The following TCERG1L variants were observed in gnomAD, a reference collection of about 807,000 sequenced individuals.
The protein encoded by TCERG1L is transcription elongation regulator 1 like, also known as transcription elongation regulator 1-like protein.
A neutral mutation model predicts 56.3 loss-of-function variants in TCERG1L; 37 were observed. The observed-to-expected ratio is 0.66, with a 90% CI of 0.51 to 0.87. The LOEUF (loss-of-function observed/expected upper bound fraction) is 0.87, where lower values mean the gene tolerates loss of function less well. Ranked by LOEUF, TCERG1L falls within the 40% of genes least tolerant of loss-of-function variation. The pLI is 0.00. For missense variants in TCERG1L, 799 were observed against 774.2 expected (o/e 1.03, Z -0.38); for synonymous variants, 324 against 326.3 (o/e 0.99, Z 0.08).
intron 3 of TCERG1L, among the ~76,000 whole-genome samples, chr10:131,302,758 C>T (rs1846778710): frequency 6.6e-6 from 1 of 151,832 alleles, no homozygotes; most frequent in South Asian, 2.1e-4. Context: ...GGCATTTCTC[C>T]TAATGCTATC....
intron 6 of TCERG1L, chr10:131,162,120 G>C (rs1237552438): frequency 1.3e-5 from 2 of 152,268 alleles, no homozygotes; most frequent in Non-Finnish European, 2.9e-5. Context: ...CAGAGGGACT[G>C]ACCCCAGCCT....
chr10:131,106,826 T>C (rs750354994), intron 9 of TCERG1L, among the ~76,000 whole-genome samples: 2 of 152,210 alleles, frequency 1.3e-5, no homozygotes, highest in Admixed American at 6.5e-5. Context: ...TTTATTTGTA[T>C]ATTATAAGAG....
rs977376399 is a variant in TCERG1L, at chr10:131,258,037, T to C, written c.856+2222A>G. Among the ~76,000 whole-genome samples, 3 of 152,254 alleles carry C rather than the reference T, an allele frequency of 2.0e-5. No homozygotes were observed. In the East Asian group the frequency reaches 5.8e-4, roughly 29 times the overall value. ...TTCTTCTGAGTCCATCAGCACCTGC[T>C]TTGCATTGATGTCCTTCTATTTCCT... On this transcript the variant is annotated intron_variant, in intron 4 of 11. Transcript: ENST00000368642.
chr10:131,292,511 T>G (rs904508350), intron 3 of TCERG1L, among the ~76,000 whole-genome samples: 1 of 152,248 alleles, frequency 6.6e-6, no homozygotes, highest in Non-Finnish European at 1.5e-5. Flanking sequence ...AATTTTAGTT[T>G]CCATTTTTTC....
chr10:131,282,689 A>G (rs1212332483), intron 3 of TCERG1L, among the ~76,000 whole-genome samples: 1 of 152,182 alleles, frequency 6.6e-6, no homozygotes, highest in Non-Finnish European at 1.5e-5. Flanking sequence ...GCACTCAATC[A>G]TATCTGTGAT....
intron 4 of TCERG1L, 109 bp from the exon 5 acceptor site, chr10:131,166,994 A>T: frequency 1.1e-6 from 1 of 889,362 alleles, no homozygotes; most frequent in South Asian, 1.7e-5. Context: ...TGGTCAGTAG[A>T]CACTGTGCAT....
chr10:131,163,655 G>T (rs968781698), intron 5 of TCERG1L, among the ~76,000 whole-genome samples: 1 of 152,130 alleles, frequency 6.6e-6, no homozygotes, highest in African/African-American at 2.4e-5. Flanking sequence ...CTGTTAAGGC[G>T]GGAGGAGGCA....
At chr10:131,106,277 G>A (rs1316331139) in intron 9 of TCERG1L, among the ~76,000 whole-genome samples, 1 of 152,236 alleles carries the variant, frequency 6.6e-6, no homozygotes, top group Non-Finnish European at 1.5e-5. Context: ...GGTAGTGCCG[G>A]TCTAGGAGCT....
intron 4 of TCERG1L, among the ~76,000 whole-genome samples, chr10:131,193,713 A>G (rs1200941528): frequency 2.6e-5 from 4 of 152,144 alleles, no homozygotes; most frequent in Non-Finnish European, 5.9e-5. Context: ...CTATTTTTGT[A>G]CCAGTACCAT....
intron 4 of TCERG1L, among the ~76,000 whole-genome samples, chr10:131,252,013 A>T (rs1194628227): frequency 6.6e-6 from 1 of 152,186 alleles, no homozygotes; most frequent in Non-Finnish European, 1.5e-5. Flanking sequence ...ACCTCGGATA[A>T]GTGGAATCCT....
At chr10:131,208,597 G>A (rs1053219626) in intron 4 of TCERG1L, among the ~76,000 whole-genome samples, 2 of 152,178 alleles carry the variant, frequency 1.3e-5, no homozygotes, top group Admixed American at 6.5e-5. Context: ...CTGCCCCACC[G>A]TTTCTAGGGA....
At chr10:131,116,738 C>A in intron 9 of TCERG1L, 61 bp downstream of exon 9, 1 of 1,539,116 alleles carries the variant, frequency 6.5e-7, no homozygotes, top group East Asian at 2.4e-5. Context: ...GGGACGGCCA[C>A]TCAGCTGCTG....
intron 4 of TCERG1L, among the ~76,000 whole-genome samples, chr10:131,254,981 G>A (rs1846152519): frequency 6.6e-6 from 1 of 152,196 alleles, no homozygotes; most frequent in Admixed American, 6.5e-5. Flanking sequence ...GCTCCAGGAG[G>A]AGGCAGAGGC....
chr10:131,181,733 C>A (rs905189939), intron 4 of TCERG1L, among the ~76,000 whole-genome samples: 3 of 152,256 alleles, frequency 2.0e-5, no homozygotes, highest in African/African-American at 7.2e-5. Context: ...TGTCCCCCCT[C>A]GCCTCCTGAG....
At chr10:131,258,514 C>G (rs768553301) in intron 4 of TCERG1L, among the ~76,000 whole-genome samples, 9 of 152,190 alleles carry the variant, frequency 5.9e-5, no homozygotes, top group Non-Finnish European at 1.2e-4. Context: ...GCTCACAGCT[C>G]AGACCTGCTC....
chr10:131,251,524 T>A (rs2944503), intron 4 of TCERG1L, among the ~76,000 whole-genome samples: 1 of 151,888 alleles, frequency 6.6e-6, no homozygotes, highest in Non-Finnish European at 1.5e-5. Context: ...CTTTCCTCTT[T>A]ACACCTCAGC....
chr10:131,112,776 G>C (rs2133387437), intron 9 of TCERG1L, among the ~76,000 whole-genome samples: 1 of 142,848 alleles, frequency 7.0e-6, no homozygotes, highest in African/African-American at 2.5e-5. Context: ...CGGACACACG[G>C]AAGGAGACGA....
intron 9 of TCERG1L, among the ~76,000 whole-genome samples, chr10:131,116,461 C>T (rs971802110): frequency 6.6e-6 from 1 of 152,152 alleles, no homozygotes; most frequent in Non-Finnish European, 1.5e-5. Context: ...GGCCTCACGC[C>T]CACAGGAGAA....
intron 3 of TCERG1L, among the ~76,000 whole-genome samples, chr10:131,278,961 C>A (rs182734414): frequency 6.6e-6 from 1 of 152,322 alleles, no homozygotes; most frequent in Non-Finnish European, 1.5e-5. Flanking sequence ...CTTCTGCTGC[C>A]ACTGTGTGTG....
Sources: gnomAD v4.1 joint callset for allele counts (sites outside exome capture counted in the v4.1 genomes callset) on GRCh38, gnomAD v4.1.1 for gene constraint, MANE v1.5 for transcripts, NCBI Gene and HGNC (gene_info 2026-07-23, HGNC 2026-07-21) for gene names.